FAM186A: variants seen among roughly 807,000 people sequenced by gnomAD.
FAM186A encodes family with sequence similarity 186 member A.
FAM186A carries 163 observed loss-of-function variants against 216.8 expected under a neutral mutation model. The observed-to-expected ratio is 0.75, with a 90% CI of 0.66 to 0.86. The LOEUF (loss-of-function observed/expected upper bound fraction) is 0.86. Among genes scored for constraint, FAM186A ranks in the 40% least tolerant of loss-of-function variants. The pLI, the probability that FAM186A is intolerant of heterozygous loss-of-function variation, is 0.00. For synonymous variants in FAM186A, 805 were observed against 1,025.3 expected, an observed-to-expected ratio of 0.79 and a Z score of 4.10; for missense variants, 2,184 against 2,746.2, an observed-to-expected ratio of 0.80 and a Z score of 4.58.
At chr12:50,391,610 G>T (rs1437310644) in intron 1 of FAM186A, among the ~76,000 whole-genome samples, 1 of 149,772 alleles carries the variant, frequency 6.7e-6, no homozygotes, top group African/African-American at 2.5e-5. Flanking sequence ...CACCACGCCT[G>T]GCCTATTTTA....
At chr12:50,382,326 C>G (rs2136105471) in intron 1 of FAM186A, among the ~76,000 whole-genome samples, 1 of 150,652 alleles carries the variant, frequency 6.6e-6, no homozygotes, top group East Asian at 2.0e-4. Flanking sequence ...AAGCATGTTA[C>G]TGGCAGAGGG....
intron 1 of FAM186A, among the ~76,000 whole-genome samples, chr12:50,377,644 C>T (rs980244807): frequency 1.3e-5 from 2 of 151,618 alleles, no homozygotes; most frequent in African/African-American, 4.8e-5. Flanking sequence ...ACCAGCCTAG[C>T]CAACATGGTG....
chr12:50,367,074 A>G (rs1382610264), intron 1 of FAM186A, among the ~76,000 whole-genome samples: 1 of 152,094 alleles, frequency 6.6e-6, no homozygotes, highest in Non-Finnish European at 1.5e-5. Flanking sequence ...CTTCAACATA[A>G]TAAAGGCCAT....
intron 4 of FAM186A, among the ~76,000 whole-genome samples, chr12:50,343,899 G>A (rs1219217442): frequency 1.3e-5 from 2 of 150,106 alleles, no homozygotes; most frequent in African/African-American, 4.9e-5. Context: ...GATTATAGGT[G>A]TGAGCCACCA....
At chr12:50,364,188 C>T (rs967952787) in intron 1 of FAM186A, among the ~76,000 whole-genome samples, 1 of 151,982 alleles carries the variant, frequency 6.6e-6, no homozygotes, top group African/African-American at 2.4e-5. Flanking sequence ...TTTTGTGTGT[C>T]TCACCGGAAT....
chr12:50,352,814 T>C lies in FAM186A; in HGVS notation c.4018A>G (p.Thr1340Ala), dbSNP rs1275219950. The change falls in exon 4 of 8, where the codon ACC becomes GCC. Residue 1340 changes from threonine to alanine, a missense_variant. Around this residue, in one of 7 missense-constraint regions of FAM186A, gnomAD observed 267 missense variants for 446.2 expected, o/e 0.60. Transcript: ENST00000327337. ...CCCAAGGCCTGGGCCTGCTGAGGGGTGAGAGTGATCTCCTGAGTCTGCGCC... is the reference window on the plus strand; with the variant it reads ...CCCAAGGCCTGGGCCTGCTGAGGGGCGAGAGTGATCTCCTGAGTCTGCGCC... ...QQAQTQEITL[T>A]PQQAQALGMP... 1.3e-6 allele frequency: 2 copies of C among 1,545,550 alleles called. No individual in the cohort carries two copies. The highest frequency in any genetic ancestry group is 2.8e-5 in the African/African-American group (2 of 70,952).
intron 4 of FAM186A, among the ~76,000 whole-genome samples, chr12:50,344,390 A>C (rs1942792902): frequency 6.6e-6 from 1 of 152,082 alleles, no homozygotes; most frequent in Non-Finnish European, 1.5e-5. Context: ...TTCTTCTGTT[A>C]ATTTGTTTAG....
rs1406743576 is a variant in FAM186A, at chr12:50,351,621, C to A, written c.5211G>T (p.Arg1737Ser). The change falls in exon 4 of 8, where the codon AGG becomes AGT. Residue 1737 changes from arginine to serine, a missense_variant. Physicochemically the swap from Arg to Ser is moderately radical, Grantham distance 110. Transcript: ENST00000327337. The part of the protein sequence containing the change: ...SIISRLSPSL[R>S]LSLASSAPTA... ...TAGGAGCTGATGATGCCAGGGACAG[C>A]CTAAGACTTGGAGACAATCTTGATA... is the stretch of plus-strand genomic sequence containing the variant. 6.4e-7 allele frequency: 1 copy of A among 1,551,422 alleles called. No individual in the cohort carries two copies. Among genetic ancestry groups the A allele is most frequent in the East Asian group, 2.4e-5 (1 of 40,936 alleles).
At chr12:50,332,407 C>T (rs1274614863) in intron 5 of FAM186A, among the ~76,000 whole-genome samples, 1 of 152,198 alleles carries the variant, frequency 6.6e-6, no homozygotes, top group East Asian at 1.9e-4. Flanking sequence ...TGATTTGAAC[C>T]CAGACAATCT....
intron 4 of FAM186A, among the ~76,000 whole-genome samples, chr12:50,335,811 G>C (rs935688406): frequency 2.6e-5 from 4 of 151,788 alleles, no homozygotes; most frequent in Admixed American, 6.6e-5. Flanking sequence ...GGAGCAAAAA[G>C]GAAAGCATAG....
chr12:50,360,654 C>T, intron 3 of FAM186A, 102 bp downstream of exon 3: 2 of 1,043,582 alleles, frequency 1.9e-6, no homozygotes, highest in Non-Finnish European at 2.7e-6. Context: ...CACTGCACAC[C>T]AGCCTGGGTG....
At chr12:50,336,696 G>A (rs540023194) in intron 4 of FAM186A, among the ~76,000 whole-genome samples, 1 of 152,308 alleles carries the variant, frequency 6.6e-6, no homozygotes, top group African/African-American at 2.4e-5. Flanking sequence ...TTTTGAGAGT[G>A]ATGAGTAGTC....
Position 50,355,030 on chromosome 12 carries a change from T to C in FAM186A, c.1802A>G (p.Gln601Arg), listed in dbSNP as rs1360659850. 2 of 1,551,634 alleles carry C rather than the reference T, an allele frequency of 1.3e-6. No individual in the cohort carries two copies. The highest frequency in any genetic ancestry group is 1.4e-5 in the African/African-American group (1 of 73,072). ...MIQFDDTAEP[Q>R]KGKIKGKKHH... ...TTTCTTTCCTTTTATTTTTCCTTTC[T>C]GTGGCTCAGCAGTATCATCAAATTG... is the stretch of plus-strand genomic sequence containing the variant. Residue 601 changes from glutamine to arginine, a missense_variant, in exon 4 of 8, where the codon CAG becomes CGG. Physicochemically the swap from Gln to Arg is conservative, Grantham distance 43. Coordinates refer to ENST00000327337, the MANE Select transcript of FAM186A (RefSeq NM_001145475.3).
At chr12:50,369,771 T>C (rs948704379) in intron 1 of FAM186A, among the ~76,000 whole-genome samples, 12 of 151,842 alleles carry the variant, frequency 7.9e-5, no homozygotes, top group African/African-American at 2.7e-4. Flanking sequence ...GACAGATCAG[T>C]TGAAGTCAGG....
In FAM186A at chr12:50,351,166, T is replaced by G; in HGVS notation, c.5666A>C (p.Gln1889Pro). ...LTFSEQLQEFQPPATAEQSPY... is the reference protein window; with the variant it reads ...LTFSEQLQEFPPPATAEQSPY... Reference sequence around the variant, plus strand: ...AGATTGCTCAGCAGTGGCAGGAGGCTGGAATTCCTGGAGCTGCTCAGAGAA... The same window carrying G: ...AGATTGCTCAGCAGTGGCAGGAGGCGGGAATTCCTGGAGCTGCTCAGAGAA... The change falls in exon 4 of 8, where the codon CAG becomes CCG. Residue 1889 changes from glutamine to proline, a missense_variant. Gln to Pro is a moderately conservative substitution (Grantham distance 76, BLOSUM62 -1). This residue lies in a region of FAM186A where 721 missense variants were observed against 816.4 expected (regional missense o/e 0.88). Transcript: ENST00000327337. 1 of 1,551,260 alleles carries G rather than the reference T, an allele frequency of 6.4e-7. No individual in the cohort carries two copies.
Position 50,330,803 on chromosome 12 carries a change from C to T in FAM186A, c.6849-45G>A, listed in dbSNP as rs1299245141. ...TGGGAACGCCAAATTCTCCTGAGCT[C>T]CATAGCCCATCAAAATATATCTTAT... On this transcript the variant is annotated intron_variant, in intron 6 of 7. Coordinates refer to ENST00000327337, the MANE Select transcript of FAM186A (RefSeq NM_001145475.3). The T allele has an allele frequency of 2.6e-5, 37 of 1,449,224 alleles. No homozygotes were observed. The East Asian group carries it at 9.6e-4, about 37-fold the overall frequency. The allele number at this position is 1,449,224 out of a possible 1,614,324, so 89.8% of individuals were successfully genotyped here. A position where few individuals can be genotyped will look rare whatever the true frequency, so the allele number is the denominator to read the frequency against.
At chr12:50,370,219 A>C (rs550436301) in intron 1 of FAM186A, among the ~76,000 whole-genome samples, 9 of 150,942 alleles carry the variant, frequency 6.0e-5, no homozygotes, top group Admixed American at 2.0e-4. Flanking sequence ...CACAAGAATC[A>C]CTTGAGCCTG....
intron 1 of FAM186A, among the ~76,000 whole-genome samples, chr12:50,385,056 T>A (rs1943288998): frequency 6.6e-6 from 1 of 151,772 alleles, no homozygotes; most frequent in Non-Finnish European, 1.5e-5. Flanking sequence ...CCACCCGCCT[T>A]GGCCTCCCAA....
In FAM186A at chr12:50,396,548, A is replaced by G. The variant is rs562530939; in HGVS notation, c.-64T>C. 44 of 1,453,414 alleles carry G rather than the reference A, an allele frequency of 3.0e-5. 1 individual carries two copies. The East Asian group carries it at 1.1e-3, about 35-fold the overall frequency. 90.0% of individuals were successfully genotyped at this position (1,453,414 alleles called of 1,614,324 possible). ...TCACAGAATCTACAAAAATGCTAAT[A>G]AAGATATCCAGTAGGAAGCTAGGAG... is the stretch of plus-strand genomic sequence containing the variant. On this transcript the variant is annotated 5_prime_UTR_variant, in exon 1 of 8. Coordinates refer to ENST00000327337, the MANE Select transcript of FAM186A (RefSeq NM_001145475.3).
Sources: allele counts gnomAD v4.1 joint callset (sites outside exome capture counted in the v4.1 genomes callset), GRCh38; gene constraint gnomAD v4.1.1; regional missense constraint gnomAD v4.1.1; transcripts MANE v1.5; gene names NCBI Gene and HGNC (gene_info 2026-07-23, HGNC 2026-07-21).